Variants in CSNK1G1 observed in about 807,000 individuals in gnomAD.
CSNK1G1 encodes the protein casein kinase I isoform gamma-1.
In CSNK1G1, 22 loss-of-function variants were observed where a neutral mutation model predicts 59.6. The observed-to-expected ratio is 0.37, with a 90% confidence interval of 0.26 to 0.53. The LOEUF (loss-of-function observed/expected upper bound fraction) is 0.53. Among genes scored for constraint, CSNK1G1 ranks in the 20% least tolerant of loss-of-function variants. The probability of loss-of-function intolerance (pLI) is 0.89; values close to 1 mark genes in which losing one functional copy is unlikely to be tolerated. For missense variants in CSNK1G1, 384 were observed against 519.5 expected (o/e 0.74, Z 2.54); for synonymous variants, 179 against 177.1 (o/e 1.01, Z -0.08).
chr15:64,257,527 T>C (rs1033868376), intron 3 of CSNK1G1, among the ~76,000 whole-genome samples: 8 of 152,288 alleles, frequency 5.3e-5, no homozygotes, highest in Middle Eastern at 3.4e-3. Flanking sequence ...ATGGTTAATA[T>C]TATTTTTTTG....
At chr15:64,245,319 A>C (rs1043141498) in intron 4 of CSNK1G1, among the ~76,000 whole-genome samples, 8 of 152,238 alleles carry the variant, frequency 5.3e-5, no homozygotes, top group African/African-American at 1.9e-4. Context: ...AACCAGTAGA[A>C]TAAGAGAAAA....
At chr15:64,256,793 C>T (rs1164443960) in intron 3 of CSNK1G1, among the ~76,000 whole-genome samples, 1 of 152,006 alleles carries the variant, frequency 6.6e-6, no homozygotes, top group African/African-American at 2.4e-5. Flanking sequence ...AATGAAGATC[C>T]AAACAAAGTA....
intron 2 of CSNK1G1, among the ~76,000 whole-genome samples, chr15:64,294,728 T>C (rs1894921542): frequency 6.7e-6 from 1 of 149,892 alleles, no homozygotes; most frequent in Non-Finnish European, 1.5e-5. Flanking sequence ...CTGGCCAACA[T>C]GGTGAAACCC....
rs1211111478 is a variant in CSNK1G1 at position 64,176,122 on chromosome 15, T to A, written c.1215-4137A>T. 5.0e-6 allele frequency: 2 copies of A among 397,176 alleles called. No homozygotes were observed. Among genetic ancestry groups the A allele is most frequent in the Non-Finnish European group, 8.9e-6 (2 of 225,616 alleles). 24.6% of individuals were successfully genotyped at this position (397,176 alleles called of 1,614,324 possible). On this transcript the variant is annotated intron_variant, in intron 11 of 11. Coordinates refer to ENST00000303052, the MANE Select transcript of CSNK1G1 (RefSeq NM_022048.5). The surrounding 1 kb of genome is among the most constrained non-coding windows in gnomAD (Gnocchi z 5.2). ...CTGCCCCATCCCCACCTTATGGATC[T>A]AGATCCCCAGTCAGGGTGGTTATGG...
chr15:64,238,518 A>AAAAAATATATATATAT (rs1555396879), intron 4 of CSNK1G1, among the ~76,000 whole-genome samples: 2 of 49,248 alleles, frequency 4.1e-5, no homozygotes, highest in African/African-American at 1.2e-4. Flanking sequence ...AAAAAAAAAA[A>AAAAAATATATATATAT]ATATATATAT....
chr15:64,199,250 C>CAAAAAAAA (rs56819260), intron 10 of CSNK1G1, among the ~76,000 whole-genome samples: 3 of 52,330 alleles, frequency 5.7e-5, no homozygotes, highest in Non-Finnish European at 3.7e-5. Context: ...AATCTTTTCT[C>CAAAAAAAA]AAAAAAAAAA....
At chr15:64,208,377 G>A (rs1294380571) in intron 6 of CSNK1G1, among the ~76,000 whole-genome samples, 1 of 152,160 alleles carries the variant, frequency 6.6e-6, no homozygotes, top group Non-Finnish European at 1.5e-5. Flanking sequence ...TTCTGGAAGC[G>A]TATCTAAAAC....
At chr15:64,264,682 T>G (rs567785524) in intron 2 of CSNK1G1, among the ~76,000 whole-genome samples, 1 of 152,334 alleles carries the variant, frequency 6.6e-6, no homozygotes, top group Admixed American at 6.5e-5. Context: ...CATGATCACA[T>G]GGGATGTATC....
intron 2 of CSNK1G1, among the ~76,000 whole-genome samples, chr15:64,278,649 G>C (rs1051147190): frequency 1.3e-5 from 2 of 151,836 alleles, no homozygotes; most frequent in African/African-American, 4.8e-5. Context: ...AGCTGGTGTC[G>C]AACTCCTGAC....
chr15:64,341,342 A>G (rs1270289883), intron 1 of CSNK1G1, among the ~76,000 whole-genome samples: 1 of 151,144 alleles, frequency 6.6e-6, no homozygotes, highest in Admixed American at 6.6e-5. Flanking sequence ...GTTTCACTAC[A>G]TTGGCCAGGA....
intron 2 of CSNK1G1, among the ~76,000 whole-genome samples, chr15:64,259,522 A>ACACATG (rs1303487975): frequency 6.7e-6 from 1 of 150,076 alleles, no homozygotes; most frequent in African/African-American, 2.5e-5. Flanking sequence ...ACACACACAC[A>ACACATG]CATGCATGCA....
At chr15:64,255,007 G>C (rs1336136009) in intron 3 of CSNK1G1, among the ~76,000 whole-genome samples, 1 of 152,076 alleles carries the variant, frequency 6.6e-6, no homozygotes, top group Non-Finnish European at 1.5e-5. Context: ...CTGTTATGTG[G>C]GTATCCAGTT....
intron 1 of CSNK1G1, among the ~76,000 whole-genome samples, chr15:64,315,493 G>C (rs1896219749): frequency 6.6e-6 from 1 of 152,166 alleles, no homozygotes; most frequent in Non-Finnish European, 1.5e-5. Context: ...ATTGACTCTA[G>C]GTGCTGTGTG....
At chr15:64,285,130 A>G (rs1354564383) in intron 2 of CSNK1G1, among the ~76,000 whole-genome samples, 5 of 152,098 alleles carry the variant, frequency 3.3e-5, no homozygotes, top group African/African-American at 1.2e-4. Flanking sequence ...ATTGTTATTT[A>G]TTATTATAAT....
intron 2 of CSNK1G1, among the ~76,000 whole-genome samples, chr15:64,298,493 C>T (rs1218164031): frequency 2.6e-5 from 4 of 152,294 alleles, no homozygotes; most frequent in African/African-American, 9.6e-5. Flanking sequence ...ACATCTTACT[C>T]GTATTGTAAG....
At position 64,343,234 on chromosome 15, in the gene CSNK1G1, C is replaced by CACACACACACACACACACA. The variant is rs1327910388; in HGVS notation, c.-225+12753_-225+12754insTGTGTGTGTGTGTGTGTGT. 4.0e-5 allele frequency among the ~76,000 whole-genome samples: 6 copies of CACACACACACACACACACA among 151,746 alleles called. No homozygotes were observed. In the South Asian group the frequency reaches 6.3e-4, roughly 16 times the overall value. ...ACACACACACACACACACACACACA[C>CACACACACACACACACACA]ACCTCTTCTAAAATAGACCCCATTC... On this transcript the variant is annotated intron_variant, in intron 1 of 11. Transcript: ENST00000303052.
At chr15:64,353,374 C>A (rs558333434) in intron 1 of CSNK1G1, among the ~76,000 whole-genome samples, 1 of 151,678 alleles carries the variant, frequency 6.6e-6, no homozygotes, top group Non-Finnish European at 1.5e-5. Context: ...TGGCCGGGTA[C>A]GGTGGCTCAT....
chr15:64,312,927 C>G (rs989448084), intron 1 of CSNK1G1, among the ~76,000 whole-genome samples: 1 of 152,132 alleles, frequency 6.6e-6, no homozygotes, highest in African/African-American at 2.4e-5. Flanking sequence ...CAAACAACCC[C>G]ATCAAAAAGT....
chr15:64,280,385 T>C (rs1401162863), intron 2 of CSNK1G1, among the ~76,000 whole-genome samples: 2 of 142,978 alleles, frequency 1.4e-5, no homozygotes, highest in Admixed American at 7.0e-5. Context: ...CAGACTTACC[T>C]TTTTTTTTTT....
Sources: allele counts gnomAD v4.1 joint callset (sites outside exome capture counted in the v4.1 genomes callset), GRCh38; gene constraint gnomAD v4.1.1; non-coding constraint Gnocchi (gnomAD v3.1); transcripts MANE v1.5; gene names NCBI Gene and HGNC (gene_info 2026-07-23, HGNC 2026-07-21).